The following PUM2 variants were observed in gnomAD, a reference collection of about 807,000 sequenced individuals.
PUM2 encodes the protein pumilio RNA binding family member 2.
PUM2 carries 57 observed loss-of-function variants against 124.5 expected under a neutral mutation model. The observed-to-expected ratio is 0.46, with a 90% CI of 0.37 to 0.57. The LOEUF (loss-of-function observed/expected upper bound fraction) is 0.57. PUM2 is among the 20% of genes least tolerant of loss of function. PUM2 has a pLI of 0.00. For missense variants in PUM2, 1,065 were observed against 1,290.6 expected, an observed-to-expected ratio of 0.83 and a Z score of 2.68; for synonymous variants, 460 against 446.1, an observed-to-expected ratio of 1.03 and a Z score of -0.39.
intron 13 of PUM2, among the ~76,000 whole-genome samples, chr2:20,277,040 T>C (rs1016785995): frequency 1.3e-5 from 2 of 152,092 alleles, no homozygotes; most frequent in Admixed American, 6.6e-5. Context: ...TAAAAAGTCA[T>C]TTATATCCGA....
intron 14 of PUM2, 114 bp from the exon 15 acceptor site, chr2:20,260,580 TTATA>T: frequency 1.1e-6 from 1 of 942,336 alleles, no homozygotes; most frequent in South Asian, 2.3e-5. Context: ...TTACCATACT[TTATA>T]TAGTAGACAG....
At chr2:20,326,371 G>A (rs1199857051) in intron 2 of PUM2, 3 of 1,304,122 alleles carry the variant, frequency 2.3e-6, no homozygotes, top group Non-Finnish European at 3.0e-6. Flanking sequence ...GAGAGACTTG[G>A]ACTCTTTTCT....
intron 1 of PUM2, among the ~76,000 whole-genome samples, chr2:20,330,095 A>G (rs1443931322): frequency 1.3e-5 from 2 of 152,156 alleles, no homozygotes; most frequent in Non-Finnish European, 2.9e-5. Context: ...AAAAAACAAC[A>G]TATTACATAA....
chr2:20,264,067 C>A (rs1015811708), intron 13 of PUM2, among the ~76,000 whole-genome samples: 1 of 151,378 alleles, frequency 6.6e-6, no homozygotes, highest in Non-Finnish European at 1.5e-5. Context: ...GGTTGGGCGT[C>A]GTGGCTCATG....
intron 10 of PUM2, among the ~76,000 whole-genome samples, chr2:20,285,613 C>T (rs1672549452): frequency 6.6e-6 from 1 of 152,142 alleles, no homozygotes; most frequent in African/African-American, 2.4e-5. Flanking sequence ...TCATTCTCTA[C>T]TTAGCTTAAT....
At chr2:20,338,376 G>A (rs1438587258) in intron 1 of PUM2, among the ~76,000 whole-genome samples, 1 of 152,096 alleles carries the variant, frequency 6.6e-6, no homozygotes, top group African/African-American at 2.4e-5. Flanking sequence ...CAGCCTGGGC[G>A]ACAGAGCAAG....
chr2:20,311,684 T>G, intron 4 of PUM2, 21 bp from the exon 5 acceptor site: 1 of 1,603,226 alleles, frequency 6.2e-7, no homozygotes, highest in South Asian at 1.1e-5. Context: ...AGAATCTGTT[T>G]GATTCTGAAT....
At chr2:20,320,075 G>T (rs1681938394) in intron 2 of PUM2, among the ~76,000 whole-genome samples, 1 of 152,120 alleles carries the variant, frequency 6.6e-6, no homozygotes, top group South Asian at 2.1e-4. Context: ...AGACCAGCCT[G>T]GCCAAGACGG....
intron 1 of PUM2, among the ~76,000 whole-genome samples, chr2:20,347,213 C>A (rs986962000): frequency 1.3e-5 from 2 of 152,294 alleles, no homozygotes; most frequent in African/African-American, 4.8e-5. Flanking sequence ...TATGCTTTTG[C>A]CAACAGCTTA....
At chr2:20,258,144 TAA>T in intron 16 of PUM2, 97 bp downstream of exon 16, 2 of 1,129,618 alleles carry the variant, frequency 1.8e-6, no homozygotes, top group Non-Finnish European at 2.4e-6. Context: ...TGGAAATATT[TAA>T]GTCTTTTCAC....
chr2:20,250,028 G>A lies in PUM2; in HGVS notation c.*1557C>T, dbSNP rs989700703. 2 of 152,592 alleles carry A rather than the reference G, an allele frequency of 1.3e-5. No individual in the cohort carries two copies. Among genetic ancestry groups the A allele is most frequent in the African/African-American group, 2.4e-5 (1 of 41,438 alleles). 9.5% of individuals were successfully genotyped at this position (152,592 alleles called of 1,614,324 possible). ...CATACAGATTTGCTCTTACTTGGGAGTAGGCTATTCAAAAATACAGTACTC... is the reference window on the plus strand; with the variant it reads ...CATACAGATTTGCTCTTACTTGGGAATAGGCTATTCAAAAATACAGTACTC... On this transcript the variant is annotated 3_prime_UTR_variant, in exon 21 of 21. Transcript: ENST00000361078.
intron 2 of PUM2, 60 bp downstream of exon 2, chr2:20,327,250 T>A (rs556020413): frequency 1.0e-4 from 123 of 1,197,280 alleles, no homozygotes; most frequent in Admixed American, 6.0e-4. Flanking sequence ...AAAAAAAAAA[T>A]AAGTTACAAT....
At position 20,291,077 on chromosome 2, in the gene PUM2, A is replaced by AAAT. The variant is rs532509232; in HGVS notation, c.1153-290_1153-288dup. On this transcript the variant is annotated intron_variant, in intron 9 of 20. Transcript: ENST00000361078. ...GTGCTCTTTAACAAAGTAGTTTAAA[A>AAAT]AATAATAATAATAATAATGAGCTTT... Among the ~76,000 whole-genome samples, 8 of 152,240 alleles carry AAAT rather than the reference A, an allele frequency of 5.3e-5. No homozygotes were observed. In the South Asian group the frequency reaches 8.3e-4, roughly 16 times the overall value.
At chr2:20,328,137 C>T (rs1180739549) in intron 1 of PUM2, among the ~76,000 whole-genome samples, 3 of 152,140 alleles carry the variant, frequency 2.0e-5, no homozygotes, top group Non-Finnish European at 4.4e-5. Flanking sequence ...AGTTTGAGAC[C>T]AGCCTGGCCA....
At chr2:20,325,305 T>A (rs138478565) in intron 2 of PUM2, among the ~76,000 whole-genome samples, 2 of 152,342 alleles carry the variant, frequency 1.3e-5, no homozygotes, top group African/African-American at 4.8e-5. Flanking sequence ...TACACTGACA[T>A]GCTGCTATCC....
chr2:20,337,008 TGAAAC>T (rs1686263637), intron 1 of PUM2, among the ~76,000 whole-genome samples: 1 of 152,114 alleles, frequency 6.6e-6, no homozygotes, highest in Admixed American at 6.5e-5. Context: ...TAATGTAATA[TGAAAC>T]AGTACCACCA....
chr2:20,271,239 T>C (rs1320993718), intron 13 of PUM2, among the ~76,000 whole-genome samples: 1 of 152,216 alleles, frequency 6.6e-6, no homozygotes, highest in East Asian at 1.9e-4. Flanking sequence ...GCAATTACTT[T>C]CAGTAATTAG....
chr2:20,262,956 G>A (rs1191818228), intron 14 of PUM2, among the ~76,000 whole-genome samples: 1 of 152,130 alleles, frequency 6.6e-6, no homozygotes, highest in Non-Finnish European at 1.5e-5. Context: ...AGGGGGCCCT[G>A]CTATATTCTC....
chr2:20,343,936 A>G (rs1324594366), intron 1 of PUM2, among the ~76,000 whole-genome samples: 1 of 152,174 alleles, frequency 6.6e-6, no homozygotes, highest in African/African-American at 2.4e-5. Flanking sequence ...CCCTCATCCC[A>G]GTATCAGAGA....
Sources: gnomAD v4.1 joint callset for allele counts (sites outside exome capture counted in the v4.1 genomes callset) on GRCh38, gnomAD v4.1.1 for gene constraint, MANE v1.5 for transcripts, NCBI Gene and HGNC (gene_info 2026-07-23, HGNC 2026-07-21) for gene names.